TEAD1: variants seen among roughly 807,000 people sequenced by gnomAD.
TEAD1 encodes transcriptional enhancer factor TEF-1.
In TEAD1, 9 loss-of-function variants were observed where a neutral mutation model predicts 54.9. The observed-to-expected ratio is 0.16, with a 90% CI of 0.10 to 0.29. The LOEUF (loss-of-function observed/expected upper bound fraction) is 0.29. TEAD1 is among the 10% of genes least tolerant of loss of function. The pLI, the probability that TEAD1 is intolerant of heterozygous loss-of-function variation, is 1.00. For synonymous variants in TEAD1, 200 were observed against 187.8 expected (o/e 1.07, Z -0.53); for missense variants, 387 against 535.9 (o/e 0.72, Z 2.74).
At chr11:12,730,694 CTT>C (rs71313457) in intron 2 of TEAD1, among the ~76,000 whole-genome samples, 2 of 65,638 alleles carry the variant, frequency 3.0e-5, no homozygotes, top group Admixed American at 2.1e-4. Flanking sequence ...CTACATAGCT[CTT>C]TTTTTTTTTT....
At chr11:12,745,815 C>T (rs1258931550) in intron 2 of TEAD1, among the ~76,000 whole-genome samples, 1 of 152,034 alleles carries the variant, frequency 6.6e-6, no homozygotes, top group Non-Finnish European at 1.5e-5. Flanking sequence ...TCACCACCTT[C>T]AGGTTGGGAA....
At chr11:12,712,818 G>A (rs940075320) in intron 2 of TEAD1, among the ~76,000 whole-genome samples, 1 of 152,166 alleles carries the variant, frequency 6.6e-6, no homozygotes, top group Non-Finnish European at 1.5e-5. Context: ...ATTGACAATT[G>A]AGAGGGGAGC....
chr11:12,891,909 G>A (rs748912004), intron 9 of TEAD1, among the ~76,000 whole-genome samples: 2 of 152,178 alleles, frequency 1.3e-5, no homozygotes, highest in Non-Finnish European at 2.9e-5. Context: ...CAGCCAGAAG[G>A]AAGGGAGTTT....
chr11:12,899,041 C>G (rs1321276147), intron 9 of TEAD1, among the ~76,000 whole-genome samples: 1 of 152,214 alleles, frequency 6.6e-6, no homozygotes, highest in Non-Finnish European at 1.5e-5. Flanking sequence ...AGCTTCTCAA[C>G]TTCACCCCAG....
At chr11:12,770,106 A>G (rs887727241) in intron 3 of TEAD1, among the ~76,000 whole-genome samples, 2 of 151,864 alleles carry the variant, frequency 1.3e-5, no homozygotes, top group Non-Finnish European at 2.9e-5. Context: ...AAATATGGAC[A>G]ATAGCAGAGC....
At chr11:12,835,178 T>A (rs1008803534) in intron 3 of TEAD1, among the ~76,000 whole-genome samples, 2 of 152,146 alleles carry the variant, frequency 1.3e-5, no homozygotes, top group Non-Finnish European at 1.5e-5. Context: ...TGGTTTTTTT[T>A]AGCTACAAAG....
At chr11:12,808,478 T>G (rs1946225272) in intron 3 of TEAD1, among the ~76,000 whole-genome samples, 1 of 147,974 alleles carries the variant, frequency 6.8e-6, no homozygotes, top group Non-Finnish European at 1.5e-5. Flanking sequence ...AGCCTCAGTT[T>G]TTTTGTTTTT....
intron 2 of TEAD1, among the ~76,000 whole-genome samples, chr11:12,720,582 G>A (rs1590083244): frequency 6.6e-6 from 1 of 152,248 alleles, no homozygotes; most frequent in East Asian, 1.9e-4. Flanking sequence ...GGAAGGTGAA[G>A]GTCTCATTGT....
At chr11:12,689,048 G>C (rs1943398282) in intron 2 of TEAD1, among the ~76,000 whole-genome samples, 2 of 149,846 alleles carry the variant, frequency 1.3e-5, no homozygotes, top group Non-Finnish European at 3.0e-5. Flanking sequence ...TGTTTGTTTT[G>C]TTTTTAAATT....
intron 2 of TEAD1, among the ~76,000 whole-genome samples, chr11:12,693,100 A>G (rs1943497180): frequency 6.6e-6 from 1 of 152,104 alleles, no homozygotes; most frequent in Non-Finnish European, 1.5e-5. Flanking sequence ...TCTAGTGGGG[A>G]CCTCTTTGTG....
intron 3 of TEAD1, among the ~76,000 whole-genome samples, chr11:12,787,644 A>G (rs1945705985): frequency 6.6e-6 from 1 of 152,238 alleles, no homozygotes; most frequent in African/African-American, 2.4e-5. Context: ...GCTATATAAT[A>G]TAGAACTTTC....
rs146410906 is a variant in TEAD1, at chr11:12,891,387, G to T, written c.699+8262G>T. ...AGGAAACTATACTGTTGGCCAGCTGGTGGCTGATGAGGACCAAACCAGGGC... is the reference window on the plus strand; with the variant it reads ...AGGAAACTATACTGTTGGCCAGCTGTTGGCTGATGAGGACCAAACCAGGGC... On this transcript the variant is annotated intron_variant, in intron 9 of 12. Transcript: ENST00000527636. 1.4e-3 allele frequency among the ~76,000 whole-genome samples: 217 copies of T among 152,354 alleles called. 1 individual carries two copies. The highest frequency in any genetic ancestry group is 5.0e-3 in the African/African-American group (210 of 41,594).
chr11:12,868,316 GCCC>G (rs1947666695), intron 5 of TEAD1, among the ~76,000 whole-genome samples: 2 of 152,100 alleles, frequency 1.3e-5, no homozygotes, highest in African/African-American at 4.8e-5. Flanking sequence ...GGTTTGAAAA[GCCC>G]CCTGTTTTAG....
intron 5 of TEAD1, among the ~76,000 whole-genome samples, chr11:12,877,143 TAAG>T (rs1363663331): frequency 1.3e-5 from 2 of 152,180 alleles, no homozygotes; most frequent in Non-Finnish European, 2.9e-5. Flanking sequence ...TGCCATCTGA[TAAG>T]AAGGAGATAA....
chr11:12,815,849 A>G (rs1177870345), intron 3 of TEAD1, among the ~76,000 whole-genome samples: 4 of 152,260 alleles, frequency 2.6e-5, no homozygotes, highest in African/African-American at 9.6e-5. Context: ...GCCTGCGGGT[A>G]CAGATCAATG....
intron 3 of TEAD1, among the ~76,000 whole-genome samples, chr11:12,815,087 C>A (rs767789935): frequency 1.4e-4 from 21 of 152,254 alleles, no homozygotes; most frequent in Non-Finnish European, 2.6e-4. Flanking sequence ...TGGCCAACAT[C>A]AAAGCCGGGC....
intron 2 of TEAD1, among the ~76,000 whole-genome samples, chr11:12,702,947 C>T (rs992446475): frequency 6.6e-6 from 1 of 152,162 alleles, no homozygotes; most frequent in Admixed American, 6.5e-5. Flanking sequence ...GAACTGGAGG[C>T]ACAGAGAAGT....
At chr11:12,680,828 G>T (rs74772107) in intron 2 of TEAD1, among the ~76,000 whole-genome samples, 14 of 152,344 alleles carry the variant, frequency 9.2e-5, no homozygotes, top group African/African-American at 3.1e-4. Context: ...TTTCTGGGTA[G>T]GCGTGCCTAT....
intron 9 of TEAD1, among the ~76,000 whole-genome samples, chr11:12,888,842 A>C (rs1948140915): frequency 6.6e-6 from 1 of 152,220 alleles, no homozygotes; most frequent in African/African-American, 2.4e-5. Flanking sequence ...CCACATCCTG[A>C]GATAGTGACC....
Sources: allele counts gnomAD v4.1 joint callset (sites outside exome capture counted in the v4.1 genomes callset), GRCh38; gene constraint gnomAD v4.1.1; transcripts MANE v1.5; gene names NCBI Gene and HGNC (gene_info 2026-07-23, HGNC 2026-07-21).